KYNU: variants seen among roughly 807,000 people sequenced by gnomAD.
The protein encoded by KYNU is kynureninase.
Under a neutral mutation model 59.2 loss-of-function variants are expected in KYNU, and 54 were observed. That is an observed-to-expected ratio of 0.91 (90% confidence interval 0.73 to 1.14). KYNU has a LOEUF of 1.14. Among genes scored for constraint, KYNU ranks in the 50% most tolerant of loss-of-function variants. KYNU has a pLI of 0.00. For missense variants in KYNU, 567 were observed against 554.4 expected (o/e 1.02, Z -0.23); for synonymous variants, 177 against 192.0 (o/e 0.92, Z 0.65).
intron 2 of KYNU, among the ~76,000 whole-genome samples, chr2:142,911,992 G>T (rs6429994): frequency 0.15 from 22,762 of 151,942 alleles, 2,640 homozygotes; most frequent in African/African-American, 0.32. Context: ...ATATTGACCC[G>T]TAATTTTGTT....
intron 4 of KYNU, among the ~76,000 whole-genome samples, chr2:142,934,477 A>G (rs1321745740): frequency 2.0e-5 from 3 of 152,058 alleles, no homozygotes; most frequent in African/African-American, 4.8e-5. Context: ...GGAGTTTGGC[A>G]TGAGGGTAGG....
chr2:142,980,661 T>G (rs1685027221), intron 8 of KYNU, among the ~76,000 whole-genome samples: 1 of 152,106 alleles, frequency 6.6e-6, no homozygotes, highest in Non-Finnish European at 1.5e-5. Context: ...TTGCAAGTTT[T>G]GGATTGACTA....
At chr2:142,932,624 C>T (rs570379402) in intron 4 of KYNU, among the ~76,000 whole-genome samples, 3 of 152,042 alleles carry the variant, frequency 2.0e-5, no homozygotes, top group East Asian at 1.9e-4. Flanking sequence ...CTATATGGAA[C>T]GTATAATGAA....
At chr2:142,898,495 A>G (rs919415244) in intron 2 of KYNU, among the ~76,000 whole-genome samples, 1 of 152,170 alleles carries the variant, frequency 6.6e-6, no homozygotes, top group Non-Finnish European at 1.5e-5. Context: ...TTTAAATTCA[A>G]TGGTATTAAA....
chr2:143,038,788 G>A (rs1686958994), intron 12 of KYNU, among the ~76,000 whole-genome samples: 1 of 152,034 alleles, frequency 6.6e-6, no homozygotes, highest in Non-Finnish European at 1.5e-5. Context: ...TTTTATTAGA[G>A]TGCCTGCCTA....
rs185237553 is a variant in KYNU, at chr2:142,889,509, G to A, written c.169+3973G>A. Among the ~76,000 whole-genome samples, 64 of 152,258 alleles carry A rather than the reference G, an allele frequency of 4.2e-4. 1 individual carries two copies. Among genetic ancestry groups the A allele is most frequent in the African/African-American group, 1.5e-3 (62 of 41,546 alleles). Reference sequence around the variant, plus strand: ...GTTTCTTTGACTCACCTGGCTGCAGGACACAGGGCAGGGGATTGGAGAAGA... The same window carrying A: ...GTTTCTTTGACTCACCTGGCTGCAGAACACAGGGCAGGGGATTGGAGAAGA... On this transcript the variant is annotated intron_variant, in intron 2 of 13. Coordinates refer to ENST00000264170, the MANE Select transcript of KYNU (RefSeq NM_003937.3).
chr2:142,973,737 G>T (rs950759216), intron 8 of KYNU, among the ~76,000 whole-genome samples: 2 of 152,102 alleles, frequency 1.3e-5, no homozygotes, highest in African/African-American at 4.8e-5. Flanking sequence ...TATTCTTTCA[G>T]ATGTATAATG....
intron 10 of KYNU, among the ~76,000 whole-genome samples, chr2:143,027,825 A>G (rs1396483150): frequency 1.3e-5 from 2 of 152,140 alleles, no homozygotes; most frequent in Non-Finnish European, 1.5e-5. Context: ...TAATTGTGAC[A>G]TGATCTGAGG....
Position 142,985,968 on chromosome 2 carries a change from A to G in KYNU, c.849A>G (p.Gly283=), listed in dbSNP as rs752845779. The G allele has an allele frequency of 1.4e-5, 23 of 1,609,380 alleles. No individual in the cohort carries two copies. In the South Asian group the frequency reaches 2.3e-4, roughly 16 times the overall value. Residue 283 remains glycine, a synonymous_variant, in exon 10 of 14, where the codon GGA becomes GGG. Coordinates refer to ENST00000264170, the MANE Select transcript of KYNU (RefSeq NM_003937.3). ...CSYKYLNAGA[G]GIAGAFIHEK... ...TCTAGTATTTAAATGCAGGAGCAGG[A>G]GGAATTGCTGGTGCCTTCATTCATG...
rs369333872 is a variant in KYNU at position 142,938,465 on chromosome 2, G to A, written c.373+10724G>A. 2.6e-5 allele frequency among the ~76,000 whole-genome samples: 4 copies of A among 152,324 alleles called. No homozygotes were observed. In the East Asian group the frequency reaches 5.8e-4, roughly 22 times the overall value. Reference sequence around the variant, plus strand: ...AGAAGGGAAGTGAGGTACAGAAACAGCCAGGTTGTTTACAGCTCAGCATTT... The same window carrying A: ...AGAAGGGAAGTGAGGTACAGAAACAACCAGGTTGTTTACAGCTCAGCATTT... On this transcript the variant is annotated intron_variant, in intron 4 of 13. Transcript: ENST00000264170.
At chr2:143,040,278 C>A in intron 12 of KYNU, 150 bp from the exon 13 acceptor site, 1 of 634,340 alleles carries the variant, frequency 1.6e-6, no homozygotes, top group Non-Finnish European at 2.8e-6. Context: ...TAAAGGAGGG[C>A]ATGATTTTAC....
rs538523562 is a variant in KYNU at position 143,030,700 on chromosome 2, G to A, written c.955+1021G>A. On this transcript the variant is annotated intron_variant, in intron 11 of 13. Coordinates refer to ENST00000264170, the MANE Select transcript of KYNU (RefSeq NM_003937.3). ...AGTGGAGATGAGGTCTTGCTATGTT[G>A]TCCAAGCTGGCCTGAGATAATATTT... 2.6e-5 allele frequency among the ~76,000 whole-genome samples: 4 copies of A among 152,018 alleles called. No individual in the cohort carries two copies. The South Asian group carries it at 8.3e-4, about 32-fold the overall frequency.
chr2:143,040,616 A>G lies in KYNU; in HGVS notation c.1230A>G (p.Pro410=). ...GCQLTITFSV[P]NKDVFQELEK... ...AGCTAACAATAACATTTTCTGTTCC[A>G]AACAAAGATGTTTTCCAAGAACTAG... Residue 410 remains proline (P), a synonymous_variant, in exon 13 of 14, where the codon CCA becomes CCG. Transcript: ENST00000264170. 6.2e-7 allele frequency: 1 copy of G among 1,609,472 alleles called. No individual in the cohort carries two copies. Among genetic ancestry groups the G allele is most frequent in the Non-Finnish European group, 8.5e-7 (1 of 1,177,520 alleles).
intron 10 of KYNU, among the ~76,000 whole-genome samples, chr2:143,003,753 TAAC>T (rs1685782400): frequency 6.6e-6 from 1 of 152,066 alleles, no homozygotes; most frequent in African/African-American, 2.4e-5. Context: ...AAGGAGTAGA[TAAC>T]AAGGCCATTT....
chr2:142,903,284 G>A (rs968637612), intron 2 of KYNU, among the ~76,000 whole-genome samples: 15 of 152,024 alleles, frequency 9.9e-5, no homozygotes, highest in African/African-American at 3.6e-4. Flanking sequence ...GGCATTATTT[G>A]CTCGTCCATA....
chr2:142,942,242 G>A (rs1374401723), intron 4 of KYNU, among the ~76,000 whole-genome samples: 1 of 150,380 alleles, frequency 6.6e-6, no homozygotes, highest in Non-Finnish European at 1.5e-5. Flanking sequence ...TTTTTTGTGT[G>A]TGTTCATTTT....
Position 143,039,142 on chromosome 2 carries a change from G to T in KYNU, c.1042-1286G>T, listed in dbSNP as rs1573923010. On this transcript the variant is annotated intron_variant, in intron 12 of 13. Transcript: ENST00000264170. ...ATTTTCACACCAGTGCTAGAGTTTA[G>T]AAGGGGGGAAATGAGAGAAACCAAG... 2.0e-5 allele frequency among the ~76,000 whole-genome samples: 3 copies of T among 152,234 alleles called. No homozygotes were observed. The East Asian group carries it at 5.8e-4, about 29-fold the overall frequency.
rs992459625 is a variant in KYNU, at chr2:142,985,259, C to A, written c.828+77C>A. ...CTGAAGGAGAAACTGGGTCTGTGGG[C>A]CAATTTTAAAGATTTGAGTTACTTT... On this transcript the variant is annotated intron_variant, in intron 9 of 13. Transcript: ENST00000264170. 91 of 886,358 alleles carry A rather than the reference C, an allele frequency of 1.0e-4. 1 individual carries two copies. Among genetic ancestry groups the A allele is most frequent in the Admixed American group, 3.5e-5 (2 of 57,766 alleles). The allele number at this position is 886,358 out of a possible 1,614,324, so 54.9% of individuals were successfully genotyped here.
chr2:142,973,030 A>G (rs1684778401), intron 8 of KYNU, among the ~76,000 whole-genome samples: 1 of 147,126 alleles, frequency 6.8e-6, no homozygotes, highest in African/African-American at 2.5e-5. Context: ...ATATATATAC[A>G]CACACACACA....
Sources: allele counts gnomAD v4.1 joint callset (sites outside exome capture counted in the v4.1 genomes callset), GRCh38; gene constraint gnomAD v4.1.1; transcripts MANE v1.5; gene names NCBI Gene and HGNC (gene_info 2026-07-23, HGNC 2026-07-21).